The following TRIO variants were observed in gnomAD, a reference collection of about 807,000 sequenced individuals.
The protein encoded by TRIO is triple functional domain protein.
Under a neutral mutation model 351.9 loss-of-function variants are expected in TRIO, and 58 were observed. The observed-to-expected ratio is 0.16, with a 90% CI of 0.13 to 0.21. TRIO has a LOEUF of 0.21. Ranked by LOEUF, TRIO falls within the 10% of genes least tolerant of loss-of-function variation. The pLI, the probability that TRIO is intolerant of heterozygous loss-of-function variation, is 1.00. For synonymous variants in TRIO, 1,758 were observed against 1,595.7 expected (o/e 1.10, Z -2.42); for missense variants, 3,201 against 4,027.8 (o/e 0.79, Z 5.56).
chr5:14,421,555 G>A (rs1750157251), intron 34 of TRIO, among the ~76,000 whole-genome samples: 1 of 146,870 alleles, frequency 6.8e-6, no homozygotes, highest in African/African-American at 2.6e-5. Context: ...AGGGAGCAGA[G>A]ATCGCACCAT....
At chr5:14,198,958 C>T (rs1193433654) in intron 1 of TRIO, among the ~76,000 whole-genome samples, 2 of 152,010 alleles carry the variant, frequency 1.3e-5, no homozygotes, top group Non-Finnish European at 2.9e-5. Context: ...ACCTCTTGGG[C>T]CGGGTGCGGT....
intron 17 of TRIO, 51 bp from the exon 18 acceptor site, chr5:14,369,323 G>T (rs370361680): frequency 1.2e-5 from 19 of 1,550,692 alleles, no homozygotes; most frequent in Non-Finnish European, 1.7e-5. Context: ...AGGGATACCA[G>T]TCGGCAGTGG....
intron 11 of TRIO, among the ~76,000 whole-genome samples, chr5:14,347,388 C>T (rs1368643185): frequency 6.9e-6 from 1 of 145,638 alleles, no homozygotes; most frequent in Non-Finnish European, 1.5e-5. Flanking sequence ...CCAGTCATCT[C>T]AGGTGGACCT....
chr5:14,193,234 T>C (rs2152155111), intron 1 of TRIO, among the ~76,000 whole-genome samples: 1 of 152,350 alleles, frequency 6.6e-6, no homozygotes, highest in Middle Eastern at 3.4e-3. Context: ...ATATTCACTA[T>C]AAATAAGTAA....
At chr5:14,334,875 T>C (rs1741250708) in intron 10 of TRIO, among the ~76,000 whole-genome samples, 1 of 152,232 alleles carries the variant, frequency 6.6e-6, no homozygotes, top group Non-Finnish European at 1.5e-5. Flanking sequence ...CCGTTGGTGC[T>C]CATGGCTGAC....
At chr5:14,325,100 A>G (rs1023817069) in intron 9 of TRIO, among the ~76,000 whole-genome samples, 5 of 152,224 alleles carry the variant, frequency 3.3e-5, no homozygotes, top group Admixed American at 3.3e-4. Flanking sequence ...ACCATGATAG[A>G]AAACCATTCT....
chr5:14,340,314 A>ACT (rs1741829416), intron 11 of TRIO, among the ~76,000 whole-genome samples: 1 of 150,954 alleles, frequency 6.6e-6, no homozygotes. Flanking sequence ...GGAGAATGGC[A>ACT]TGAACCTGGG....
chr5:14,297,783 G>A (rs538179652), intron 7 of TRIO, among the ~76,000 whole-genome samples: 2 of 152,344 alleles, frequency 1.3e-5, no homozygotes, highest in South Asian at 2.1e-4. Flanking sequence ...CTATGGAGGG[G>A]TGGTGTCTGC....
Position 14,497,028 on chromosome 5 carries a change from G to A in TRIO, c.8019+11G>A. The A allele has an allele frequency of 2.5e-6, 4 of 1,613,812 alleles. No individual in the cohort carries two copies. The highest frequency in any genetic ancestry group is 1.3e-5 in the African/African-American group (1 of 75,010). ...AAGGTATCTGTGAAGGTGTGTTCGG[G>A]GGTCTTCAGGAGTCCGTGTCATCCC... On this transcript the variant is annotated intron_variant, in intron 50 of 56. Coordinates refer to ENST00000344204, the MANE Select transcript of TRIO (RefSeq NM_007118.4). The surrounding 1 kb of genome is among the most constrained non-coding windows in gnomAD (Gnocchi z 4.4).
At position 14,364,671 on chromosome 5, in the gene TRIO, G is replaced by A. The variant is rs781661494; in HGVS notation, c.2609G>A (p.Arg870Lys). 6.2e-7 allele frequency: 1 copy of A among 1,613,920 alleles called. No individual in the cohort carries two copies. The highest frequency in any genetic ancestry group is 8.5e-7 in the Non-Finnish European group (1 of 1,179,944). Residue 870 changes from arginine to lysine, a missense_variant, in exon 15 of 57, where the codon AGA becomes AAA. By Grantham distance (26) the Arg-to-Lys change is conservative (BLOSUM62 2). Coordinates refer to ENST00000344204, the MANE Select transcript of TRIO (RefSeq NM_007118.4). Reference sequence around the variant, plus strand: ...ACAGGTGTGGAGCTGCTGTGTGATAGAGATGTAGACATGGCAACTCGGGTC... The same window carrying A: ...ACAGGTGTGGAGCTGCTGTGTGATAAAGATGTAGACATGGCAACTCGGGTC... ...QASGVELLCD[R>K]DVDMATRVQD...
At chr5:14,212,490 A>C (rs1388333695) in intron 1 of TRIO, among the ~76,000 whole-genome samples, 1 of 152,086 alleles carries the variant, frequency 6.6e-6, no homozygotes, top group Non-Finnish European at 1.5e-5. Flanking sequence ...CTTTCATTGA[A>C]CCTCAGATGT....
chr5:14,472,496 C>T, intron 38 of TRIO, 96 bp from the exon 39 acceptor site: 1 of 1,250,446 alleles, frequency 8.0e-7, no homozygotes, highest in South Asian at 1.3e-5. Context: ...CATTACTATT[C>T]AGTCCTGGAA....
chr5:14,329,472 C>T (rs191567511), intron 9 of TRIO, among the ~76,000 whole-genome samples: 83 of 152,322 alleles, frequency 5.4e-4, no homozygotes, highest in African/African-American at 1.8e-3. Flanking sequence ...GCACCTTCAA[C>T]GAGGAACAAG....
At chr5:14,343,382 T>C (rs746068780) in intron 11 of TRIO, among the ~76,000 whole-genome samples, 3 of 152,266 alleles carry the variant, frequency 2.0e-5, no homozygotes, top group Non-Finnish European at 4.4e-5. Flanking sequence ...AAGGGTTCCC[T>C]GCACTGGCTT....
At chr5:14,290,586 G>C in intron 4 of TRIO, 130 bp from the exon 5 acceptor site, 3 of 939,818 alleles carry the variant, frequency 3.2e-6, no homozygotes, top group Non-Finnish European at 4.6e-6. Context: ...GCCAGAACCA[G>C]GTATGTTATG....
chr5:14,387,099 G>A (rs1746611474), intron 21 of TRIO, among the ~76,000 whole-genome samples: 1 of 152,250 alleles, frequency 6.6e-6, no homozygotes, highest in Non-Finnish European at 1.5e-5. Flanking sequence ...GAGGAGAGTA[G>A]CAGCATTGTG....
chr5:14,504,700 AT>A, intron 55 of TRIO, 107 bp downstream of exon 55: 1 of 1,376,882 alleles, frequency 7.3e-7, no homozygotes, highest in Non-Finnish European at 9.9e-7. Context: ...GGTTTGTAGA[AT>A]TTACAGAACT....
chr5:14,479,855 A>ATTGT lies in TRIO; in HGVS notation c.6244-64_6244-63insTTGT, dbSNP rs1432043990. 2.1e-5 allele frequency: 31 copies of ATTGT among 1,478,142 alleles called. No individual in the cohort carries two copies. In the African/African-American group the frequency reaches 3.9e-4, roughly 18 times the overall value. The allele number at this position is 1,478,142 out of a possible 1,614,324, so 91.6% of individuals were successfully genotyped here. On this transcript the variant is annotated intron_variant, in intron 42 of 56. Coordinates refer to ENST00000344204, the MANE Select transcript of TRIO (RefSeq NM_007118.4). ...TGTTGTAGTCTTTCTGACAATTACAAAGACTAAAAAATTGCCCTTTAATGA... is the reference window on the plus strand; with the variant it reads ...TGTTGTAGTCTTTCTGACAATTACAATTGTAGACTAAAAAATTGCCCTTTAATGA...
At position 14,159,164 on chromosome 5, in the gene TRIO, TC is replaced by T. The variant is rs530896828; in HGVS notation, c.157+15287del. Among the ~76,000 whole-genome samples, 42 of 152,142 alleles carry T rather than the reference TC, an allele frequency of 2.8e-4. 2 individuals are homozygous for T. In the South Asian group the frequency reaches 7.5e-3, roughly 27 times the overall value. ...TTGACTCAGTTTTTTCTACTCCCACTCCCCCTCTCCCTTTTTTTGGTGTTAG... is the reference window on the plus strand; with the variant it reads ...TTGACTCAGTTTTTTCTACTCCCACTCCCCTCTCCCTTTTTTTGGTGTTAG... On this transcript the variant is annotated intron_variant, in intron 1 of 56. Coordinates refer to ENST00000344204, the MANE Select transcript of TRIO (RefSeq NM_007118.4).
Sources: allele counts gnomAD v4.1 joint callset (sites outside exome capture counted in the v4.1 genomes callset), GRCh38; gene constraint gnomAD v4.1.1; non-coding constraint Gnocchi (gnomAD v3.1); transcripts MANE v1.5; gene names NCBI Gene and HGNC (gene_info 2026-07-23, HGNC 2026-07-21).